Variants in PKHD1 observed in about 807,000 individuals in gnomAD.
PKHD1 encodes the protein fibrocystin.
PKHD1 carries 291 observed loss-of-function variants against 412.0 expected under a neutral mutation model. The ratio of observed to expected loss-of-function variants is 0.71; its 90% CI spans 0.64 to 0.78. The LOEUF (loss-of-function observed/expected upper bound fraction) is 0.78, where lower values mean the gene tolerates loss of function less well. Among genes scored for constraint, PKHD1 ranks in the 30% least tolerant of loss-of-function variants. The pLI is 0.00. For missense variants in PKHD1, 4,825 were observed against 4,950.7 expected, an observed-to-expected ratio of 0.97 and a Z score of 0.76; for synonymous variants, 1,777 against 1,821.5, an observed-to-expected ratio of 0.98 and a Z score of 0.62.
chr6:51,719,393 T>G (rs997970246), intron 60 of PKHD1, among the ~76,000 whole-genome samples: 1 of 152,158 alleles, frequency 6.6e-6, no homozygotes, highest in Non-Finnish European at 1.5e-5. Context: ...CCTTGCCTAT[T>G]GACATTTTGT....
At chr6:51,629,818 G>C (rs1767715294) in intron 65 of PKHD1, among the ~76,000 whole-genome samples, 1 of 151,976 alleles carries the variant, frequency 6.6e-6, no homozygotes, top group Non-Finnish European at 1.5e-5. Flanking sequence ...TTGTATATTT[G>C]GCAGATTTTA....
At chr6:52,029,229 G>A (rs200068337) in intron 29 of PKHD1, among the ~76,000 whole-genome samples, 11 of 150,636 alleles carry the variant, frequency 7.3e-5, no homozygotes, top group Non-Finnish European at 4.4e-5. Context: ...TACTAAAAAA[G>A]AAAAAAAAAG....
intron 36 of PKHD1, among the ~76,000 whole-genome samples, chr6:51,939,359 C>T (rs1277851901): frequency 2.0e-5 from 3 of 151,488 alleles, no homozygotes; most frequent in South Asian, 2.1e-4. Flanking sequence ...CCCTTCTCTC[C>T]GTGTCTCTAC....
intron 35 of PKHD1, among the ~76,000 whole-genome samples, chr6:51,967,435 A>G (rs1159594488): frequency 6.6e-6 from 1 of 152,200 alleles, no homozygotes; most frequent in Non-Finnish European, 1.5e-5. Context: ...TCAGTATTAA[A>G]ACATGCGCAA....
chr6:51,714,841 C>T (rs1023877535), intron 60 of PKHD1, among the ~76,000 whole-genome samples: 4 of 151,902 alleles, frequency 2.6e-5, no homozygotes, highest in African/African-American at 9.7e-5. Flanking sequence ...GTTTCAATAC[C>T]AGAGGAAAAA....
At chr6:51,895,976 A>G (rs2499493) in intron 43 of PKHD1, among the ~76,000 whole-genome samples, 151,226 of 151,374 alleles carry the variant, frequency 1, 75,539 homozygotes, top group Middle Eastern at 1. Context: ...AAAAAACGGC[A>G]CACCACAAGA....
chr6:51,716,576 A>G (rs1262223547), intron 60 of PKHD1, among the ~76,000 whole-genome samples: 4 of 152,036 alleles, frequency 2.6e-5, no homozygotes, highest in African/African-American at 9.7e-5. Context: ...GCTGCCCCAC[A>G]TGTCTTTGCT....
intron 60 of PKHD1, among the ~76,000 whole-genome samples, chr6:51,668,978 G>T (rs776709698): frequency 3.3e-5 from 5 of 152,184 alleles, no homozygotes; most frequent in Non-Finnish European, 5.9e-5. Flanking sequence ...TTGCATCAAT[G>T]TTCATCAAGG....
rs528572690 is a variant in PKHD1 at position 52,032,665 on chromosome 6, G to A, written c.3364+365C>T. On this transcript the variant is annotated intron_variant, in intron 29 of 66. Coordinates refer to ENST00000371117, the MANE Select transcript of PKHD1 (RefSeq NM_138694.4). ...TCTCCATTCCTTAATTTCCTGATCT[G>A]TAAATTGAAGCTAATAATCCTATAA... Among the ~76,000 whole-genome samples, 14 of 152,222 alleles carry A rather than the reference G, an allele frequency of 9.2e-5. No homozygotes were observed. The South Asian group carries it at 2.9e-3, about 32-fold the overall frequency.
In PKHD1 at chr6:51,894,491, G is replaced by C. The variant is rs77077432; in HGVS notation, c.6997-7246C>G. Among the ~76,000 whole-genome samples, 609 of 152,338 alleles carry C rather than the reference G, an allele frequency of 4.0e-3. 5 individuals carry two copies. The highest frequency in any genetic ancestry group is 0.014 in the African/African-American group (571 of 41,578). The stretch of plus-strand genomic sequence containing the variant: ...TTTGAAATTTACTTGCATCATGCCA[G>C]GTTGAATGTAAGTGAACTAGCAAGG... On this transcript the variant is annotated intron_variant, in intron 43 of 66. Coordinates refer to ENST00000371117, the MANE Select transcript of PKHD1 (RefSeq NM_138694.4).
intron 52 of PKHD1, among the ~76,000 whole-genome samples, chr6:51,824,703 C>G (rs191065283): frequency 4.7e-4 from 72 of 152,234 alleles, no homozygotes; most frequent in Admixed American, 3.5e-3. Flanking sequence ...TGTTGTCTCC[C>G]TGGATCTTTA....
At chr6:51,771,884 T>C (rs1790202635) in intron 55 of PKHD1, among the ~76,000 whole-genome samples, 1 of 152,140 alleles carries the variant, frequency 6.6e-6, no homozygotes, top group Non-Finnish European at 1.5e-5. Flanking sequence ...CCACATGTGA[T>C]GGTGTAGAGG....
chr6:51,742,758 C>G (rs1331910568), intron 60 of PKHD1, among the ~76,000 whole-genome samples: 1 of 152,022 alleles, frequency 6.6e-6, no homozygotes, highest in East Asian at 1.9e-4. Flanking sequence ...AGTACATTAA[C>G]ATAAGCAATT....
chr6:51,793,134 G>A (rs2151274843), intron 52 of PKHD1, among the ~76,000 whole-genome samples: 1 of 152,144 alleles, frequency 6.6e-6, no homozygotes, highest in South Asian at 2.1e-4. Flanking sequence ...ATTGATGACT[G>A]GTACAAAATG....
chr6:51,662,952 T>C (rs1053772145), intron 60 of PKHD1, among the ~76,000 whole-genome samples: 1 of 152,050 alleles, frequency 6.6e-6, no homozygotes, highest in Non-Finnish European at 1.5e-5. Flanking sequence ...TTTAAAGGAA[T>C]AGTCTCCTTT....
intron 55 of PKHD1, among the ~76,000 whole-genome samples, chr6:51,763,498 T>C (rs951040276): frequency 3.9e-5 from 6 of 152,142 alleles, no homozygotes; most frequent in African/African-American, 1.4e-4. Flanking sequence ...GCTAACCTTT[T>C]AATTATAATT....
rs4599630 is a variant in PKHD1 at position 52,012,918 on chromosome 6, C to A, written c.5601-2459G>T. Reference sequence around the variant, plus strand: ...CAAACTATCTGATGAATAGTTCATTCTAGAATTTTGTCAGGGATAACACCA... The same window carrying A: ...CAAACTATCTGATGAATAGTTCATTATAGAATTTTGTCAGGGATAACACCA... On this transcript the variant is annotated intron_variant, in intron 34 of 66. Coordinates refer to ENST00000371117, the MANE Select transcript of PKHD1 (RefSeq NM_138694.4). Among the ~76,000 whole-genome samples, 142 of 152,134 alleles carry A rather than the reference C, an allele frequency of 9.3e-4. No homozygotes were observed. The South Asian group carries it at 0.015, about 16-fold the overall frequency.
At chr6:51,867,698 A>G (rs1227710173) in intron 48 of PKHD1, among the ~76,000 whole-genome samples, 165 bp downstream of exon 48, 1 of 152,160 alleles carries the variant, frequency 6.6e-6, no homozygotes, top group Non-Finnish European at 1.5e-5. Flanking sequence ...TAAAACTACC[A>G]TACACTCATG....
At position 51,780,253 on chromosome 6, in the gene PKHD1, C is replaced by T. The variant is rs540446639; in HGVS notation, c.8441-4332G>A. Among the ~76,000 whole-genome samples, 23 of 151,876 alleles carry T rather than the reference C, an allele frequency of 1.5e-4. 1 individual carries two copies. In the East Asian group the frequency reaches 3.1e-3, roughly 20 times the overall value. On this transcript the variant is annotated intron_variant, in intron 53 of 66. Coordinates refer to ENST00000371117, the MANE Select transcript of PKHD1 (RefSeq NM_138694.4). Reference sequence around the variant, plus strand: ...ATACAAAAATTAGCTTGGCGTGGTGCGACGCACCTGTAGTCTCAGCTACTC... The same window carrying T: ...ATACAAAAATTAGCTTGGCGTGGTGTGACGCACCTGTAGTCTCAGCTACTC...
Sources: gnomAD v4.1 joint callset for allele counts (sites outside exome capture counted in the v4.1 genomes callset) on GRCh38, gnomAD v4.1.1 for gene constraint, MANE v1.5 for transcripts, NCBI Gene and HGNC (gene_info 2026-07-23, HGNC 2026-07-21) for gene names.